Variants in CCDC68 observed in about 807,000 individuals in gnomAD.
CCDC68 encodes the protein coiled-coil domain-containing protein 68.
CCDC68 carries 45 observed loss-of-function variants against 47.1 expected under a neutral mutation model. That is an observed-to-expected ratio of 0.96 (90% CI 0.75 to 1.23). CCDC68 has a LOEUF of 1.23. CCDC68 is among the 50% of genes most tolerant of loss of function. The probability of loss-of-function intolerance (pLI) is 0.00; values close to 1 mark genes in which losing one functional copy is unlikely to be tolerated. For missense variants in CCDC68, 353 were observed against 373.6 expected (o/e 0.94, Z 0.45); for synonymous variants, 131 against 129.5 (o/e 1.01, Z -0.08).
rs144886731 is a variant in CCDC68 at position 54,947,006 on chromosome 18, T to A, written c.-102-1529A>T. ...GTATCCATATGAAATTAAATTCCATTTCTGTCTTTGGTTCAGAAAACTTTT... is the reference window on the plus strand; with the variant it reads ...GTATCCATATGAAATTAAATTCCATATCTGTCTTTGGTTCAGAAAACTTTT... On this transcript the variant is annotated intron_variant, in intron 1 of 11. Coordinates refer to ENST00000591504, the MANE Select transcript of CCDC68 (RefSeq NM_025214.3). Among the ~76,000 whole-genome samples, 19 of 152,324 alleles carry A rather than the reference T, an allele frequency of 1.2e-4. No homozygotes were observed. In the East Asian group the frequency reaches 3.7e-3, roughly 29 times the overall value.
At chr18:54,950,798 A>G (rs987430443) in intron 1 of CCDC68, among the ~76,000 whole-genome samples, 14 of 86,864 alleles carry the variant, frequency 1.6e-4, no homozygotes, top group African/African-American at 8.4e-4. Flanking sequence ...GTATATATAT[A>G]TATATGATGC....
At position 54,949,964 on chromosome 18, in the gene CCDC68, G is replaced by C. The variant is rs565986948; in HGVS notation, c.-102-4487C>G. Reference sequence around the variant, plus strand: ...TGGCCAGTGTCCAGTGGCTACGTCAGGAGGATCCTAACTCCTCATCTCACA... The same window carrying C: ...TGGCCAGTGTCCAGTGGCTACGTCACGAGGATCCTAACTCCTCATCTCACA... On this transcript the variant is annotated intron_variant, in intron 1 of 11. Coordinates refer to ENST00000591504, the MANE Select transcript of CCDC68 (RefSeq NM_025214.3). 4.0e-3 allele frequency among the ~76,000 whole-genome samples: 606 copies of C among 152,276 alleles called. 3 individuals are homozygous for C. The highest frequency in any genetic ancestry group is 4.3e-3 in the Non-Finnish European group (295 of 68,032).
At chr18:54,925,102 T>A (rs1481870991) in intron 8 of CCDC68, among the ~76,000 whole-genome samples, 1 of 152,182 alleles carries the variant, frequency 6.6e-6, no homozygotes, top group African/African-American at 2.4e-5. Flanking sequence ...TTGGTTTTAA[T>A]CATGTGGAAT....
At chr18:54,948,156 A>G (rs1176884988) in intron 1 of CCDC68, among the ~76,000 whole-genome samples, 2 of 152,168 alleles carry the variant, frequency 1.3e-5, no homozygotes, top group African/African-American at 4.8e-5. Context: ...TCAGAATGGG[A>G]CCTTATTTAA....
chr18:54,914,138 C>T (rs1483625420), intron 10 of CCDC68, among the ~76,000 whole-genome samples: 1 of 152,160 alleles, frequency 6.6e-6, no homozygotes, highest in Non-Finnish European at 1.5e-5. Flanking sequence ...ATCATAAACA[C>T]ACAAAAATAT....
intron 8 of CCDC68, 42 bp downstream of exon 8, chr18:54,928,758 G>C (rs962031748): frequency 1.5e-6 from 2 of 1,318,544 alleles, no homozygotes; most frequent in African/African-American, 2.9e-5. Flanking sequence ...GGACAGGAAA[G>C]AAATCAGGAA....
intron 2 of CCDC68, among the ~76,000 whole-genome samples, chr18:54,943,642 G>A (rs1354889817): frequency 6.6e-6 from 1 of 152,006 alleles, no homozygotes; most frequent in African/African-American, 2.4e-5. Context: ...TATATTCTAA[G>A]AACAAAAAGA....
At chr18:54,919,478 G>A in intron 8 of CCDC68, 102 bp from the exon 9 acceptor site, 1 of 941,642 alleles carries the variant, frequency 1.1e-6, no homozygotes, top group Non-Finnish European at 1.7e-6. Context: ...CTGCTACTGG[G>A]GATCAGTTGG....
intron 8 of CCDC68, among the ~76,000 whole-genome samples, chr18:54,921,256 G>C (rs1024603913): frequency 5.9e-5 from 9 of 152,148 alleles, no homozygotes; most frequent in African/African-American, 1.9e-4. Context: ...TGGCTACCTA[G>C]GTGACAGATT....
chr18:54,908,814 C>T (rs1038651780), intron 10 of CCDC68, among the ~76,000 whole-genome samples: 2 of 152,070 alleles, frequency 1.3e-5, no homozygotes, highest in African/African-American at 2.4e-5. Context: ...AAGCCTAAAC[C>T]TGCCTTCCAC....
chr18:54,914,543 G>A (rs909330981), intron 10 of CCDC68, among the ~76,000 whole-genome samples: 4 of 152,006 alleles, frequency 2.6e-5, no homozygotes, highest in African/African-American at 4.8e-5. Context: ...GCTTGAACCC[G>A]GGAGGCCAAG....
chr18:54,950,897 C>CTTTTTTTTTTTTTT, intron 1 of CCDC68, among the ~76,000 whole-genome samples: 1 of 61,960 alleles, frequency 1.6e-5, no homozygotes, highest in Non-Finnish European at 2.7e-5. Flanking sequence ...ATTCAGATGT[C>CTTTTTTTTTTTTTT]TTTTTTTTTT....
At chr18:54,920,175 G>T (rs1231191759) in intron 8 of CCDC68, among the ~76,000 whole-genome samples, 1 of 151,984 alleles carries the variant, frequency 6.6e-6, no homozygotes, top group Non-Finnish European at 1.5e-5. Flanking sequence ...TGTGACCTCG[G>T]AGAAGTCACT....
chr18:54,956,972 T>A (rs1213108128), intron 1 of CCDC68, among the ~76,000 whole-genome samples: 1 of 152,194 alleles, frequency 6.6e-6, no homozygotes, highest in East Asian at 1.9e-4. Context: ...TGAATAAAGA[T>A]GCTGTTTTCC....
chr18:54,919,549 C>T (rs1006142941), intron 8 of CCDC68, among the ~76,000 whole-genome samples, 173 bp from the exon 9 acceptor site: 12 of 152,156 alleles, frequency 7.9e-5, no homozygotes, highest in Admixed American at 7.2e-4. Flanking sequence ...AGCTATGAAG[C>T]GGGCTCTAAT....
chr18:54,942,487 C>T (rs963724267), intron 3 of CCDC68, among the ~76,000 whole-genome samples, 188 bp downstream of exon 3: 3 of 152,170 alleles, frequency 2.0e-5, no homozygotes, highest in Non-Finnish European at 4.4e-5. Context: ...AGCATAGGAA[C>T]AGTTTCGTAT....
chr18:54,914,683 C>G (rs757495380), intron 10 of CCDC68, among the ~76,000 whole-genome samples: 4 of 152,108 alleles, frequency 2.6e-5, no homozygotes, highest in Non-Finnish European at 5.9e-5. Context: ...TACAGAGACT[C>G]TAAGACAACA....
intron 8 of CCDC68, among the ~76,000 whole-genome samples, chr18:54,921,703 T>C (rs1220399818): frequency 1.3e-5 from 2 of 152,350 alleles, no homozygotes; most frequent in East Asian, 3.9e-4. Flanking sequence ...TTATCATACC[T>C]ACACAACGAA....
chr18:54,936,308 A>T (rs1202979284), intron 6 of CCDC68, among the ~76,000 whole-genome samples: 1 of 146,726 alleles, frequency 6.8e-6, no homozygotes, highest in Non-Finnish European at 1.5e-5. Flanking sequence ...ATATAAATAT[A>T]TAAAATATAT....
Sources: allele counts gnomAD v4.1 joint callset (sites outside exome capture counted in the v4.1 genomes callset), GRCh38; gene constraint gnomAD v4.1.1; transcripts MANE v1.5; gene names NCBI Gene and HGNC (gene_info 2026-07-23, HGNC 2026-07-21).